Variants in SERINC2 observed in about 807,000 individuals in gnomAD.
SERINC2 encodes the protein tumor differentially expressed protein 2.
Under a neutral mutation model 54.2 loss-of-function variants are expected in SERINC2, and 56 were observed. That is an observed-to-expected ratio of 1.03 (90% CI 0.83 to 1.29). SERINC2 has a LOEUF of 1.29. Ranked by LOEUF, SERINC2 falls within the 50% of genes most tolerant of loss-of-function variation. The pLI is 0.00. For synonymous variants in SERINC2, 272 were observed against 253.1 expected (o/e 1.07, Z -0.71); for missense variants, 614 against 607.4 (o/e 1.01, Z -0.12).
intron 2 of SERINC2, 117 bp downstream of exon 2, chr1:31,423,971 G>A (rs1254103331): frequency 3.2e-6 from 3 of 949,456 alleles, no homozygotes; most frequent in Admixed American, 4.5e-5. Flanking sequence ...GTGTTTGGGT[G>A]CACTGATGAT....
intron 8 of SERINC2, among the ~76,000 whole-genome samples, chr1:31,432,754 G>A (rs1553134917): frequency 6.6e-6 from 1 of 152,140 alleles, no homozygotes; most frequent in Non-Finnish European, 1.5e-5. Flanking sequence ...TTACAGACAA[G>A]GAATCAGAGG....
rs1343316511 is a variant in SERINC2, at chr1:31,423,610, T to C, written c.40-83T>C. 2.8e-6 allele frequency: 4 copies of C among 1,422,394 alleles called. No homozygotes were observed. In the Admixed American group the frequency reaches 7.8e-5, roughly 28 times the overall value. 88.1% of individuals were successfully genotyped at this position (1,422,394 alleles called of 1,614,324 possible). ...GTGCTCCTGCCTAGCGCAGCACAGA[T>C]GCGCCGACCTCTGGGCAGGTGGTGA... On this transcript the variant is annotated intron_variant, in intron 1 of 9. Coordinates refer to ENST00000373709, the MANE Select transcript of SERINC2 (RefSeq NM_178865.5).
chr1:31,414,326 TC>T, intron 1 of SERINC2: 1 of 1,237,764 alleles, frequency 8.1e-7, no homozygotes, highest in Non-Finnish European at 1.0e-6. Context: ...GGCAGCCCCC[TC>T]CCCCTCTGGC....
At chr1:31,429,769 C>T (rs782391687) in intron 8 of SERINC2, among the ~76,000 whole-genome samples, 4 of 152,156 alleles carry the variant, frequency 2.6e-5, no homozygotes, top group Admixed American at 6.5e-5. Flanking sequence ...TTCCTGCATA[C>T]TGGGCCAGTT....
chr1:31,426,446 A>G (rs1641043572), intron 5 of SERINC2, among the ~76,000 whole-genome samples: 2 of 152,132 alleles, frequency 1.3e-5, no homozygotes, highest in Admixed American at 1.3e-4. Flanking sequence ...CAATTCCCTT[A>G]TTACAAGGTA....
At chr1:31,421,549 C>T (rs11589125) in intron 1 of SERINC2, among the ~76,000 whole-genome samples, 11,857 of 152,200 alleles carry the variant, frequency 0.078, 601 homozygotes, top group East Asian at 0.23. Context: ...GAGAGATAGG[C>T]GAGGAGCATT....
chr1:31,426,820 C>T lies in SERINC2; in HGVS notation c.777C>T (p.Val259=). 5 of 1,612,578 alleles carry T rather than the reference C, an allele frequency of 3.1e-6. No individual in the cohort carries two copies. Among genetic ancestry groups the T allele is most frequent in the Non-Finnish European group, 4.2e-6 (5 of 1,178,962 alleles). The part of the protein sequence containing the change: ...CVSIAAVLPK[V]QDAQPNSGLL... ...CCATCGCTGCTGTCCTGCCCAAGGT[C>T]CAGGTGAGCCTGCCTGACCCCCCCT... is the stretch of plus-strand genomic sequence containing the variant. Residue 259 remains valine (V), a synonymous_variant, in exon 6 of 10, where the codon GTC becomes GTT. Coordinates refer to ENST00000373709, the MANE Select transcript of SERINC2 (RefSeq NM_178865.5).
intron 8 of SERINC2, among the ~76,000 whole-genome samples, chr1:31,430,276 G>A (rs941867506): frequency 1.3e-5 from 2 of 152,212 alleles, no homozygotes; most frequent in Non-Finnish European, 2.9e-5. Flanking sequence ...CACTTTGGGA[G>A]GCCGAGGTGG....
Position 31,425,932 on chromosome 1 carries a change from C to A in SERINC2, c.610+19C>A. 1 of 1,605,852 alleles carries A rather than the reference C, an allele frequency of 6.2e-7. No homozygotes were observed. On this transcript the variant is annotated intron_variant, in intron 5 of 9. Coordinates refer to ENST00000373709, the MANE Select transcript of SERINC2 (RefSeq NM_178865.5). ...TACGCAGGTCAGTGCTGCCACCCTGCCTCCGTGTGGGGACTCGAGCCTGGG... is the reference window on the plus strand; with the variant it reads ...TACGCAGGTCAGTGCTGCCACCCTGACTCCGTGTGGGGACTCGAGCCTGGG...
At chr1:31,410,596 C>T (rs150289741), upstream of SERINC2, among the ~76,000 whole-genome samples, 6 of 152,326 alleles carry the variant, frequency 3.9e-5, no homozygotes, top group Non-Finnish European at 7.3e-5. Context: ...CTTAATCCCT[C>T]GTTCCTTGCA....
upstream of SERINC2, chr1:31,409,785 CAGCGA>C (rs1443414634): frequency 6.5e-7 from 1 of 1,541,656 alleles, no homozygotes; most frequent in Non-Finnish European, 8.8e-7. Context: ...CCAGTACAGA[CAGCGA>C]AGCCCAAGGG....
chr1:31,427,540 T>C (rs1305612359), intron 6 of SERINC2, among the ~76,000 whole-genome samples: 1 of 152,206 alleles, frequency 6.6e-6, no homozygotes, highest in African/African-American at 2.4e-5. Flanking sequence ...CAGCAATCAG[T>C]ATTTATCCAG....
chr1:31,429,132 G>GA, intron 7 of SERINC2, 64 bp downstream of exon 7: 1 of 1,427,602 alleles, frequency 7.0e-7, no homozygotes, highest in Non-Finnish European at 9.9e-7. Flanking sequence ...AGTCTACTGT[G>GA]GGGCTGGGGA....
intron 8 of SERINC2, 24 bp from the exon 9 acceptor site, chr1:31,432,943 C>T (rs1335772777): frequency 1.5e-5 from 24 of 1,574,426 alleles, no homozygotes; most frequent in Non-Finnish European, 2.0e-5. Context: ...TATCTATTTG[C>T]CCACCTTCCT....
At position 31,413,276 on chromosome 1, in the gene SERINC2, G is replaced by T. The variant is rs575258741; in HGVS notation, c.11G>T (p.Cys4Phe). 127 of 1,261,256 alleles carry T rather than the reference G, an allele frequency of 1.0e-4. 1 individual carries two copies. The South Asian group carries it at 3.4e-3, about 34-fold the overall frequency. 78.1% of individuals were successfully genotyped at this position (1,261,256 alleles called of 1,614,324 possible). ...CCGGGAGCCGCCGCCATGGGGGCCTGCCTGGGAGCCTGCTCCCTGCTCAGC... is the reference window on the plus strand; with the variant it reads ...CCGGGAGCCGCCGCCATGGGGGCCTTCCTGGGAGCCTGCTCCCTGCTCAGC... MGA[C>F]LGACSLLSCA... The change falls in exon 1 of 10, where the codon TGC becomes TTC. Residue 4 changes from cysteine (C) to phenylalanine (F), a missense_variant. Transcript: ENST00000373709. This position sits in a 1 kb window ranked among gnomAD's most constrained non-coding sequence, Gnocchi z 5.0.
intron 1 of SERINC2, among the ~76,000 whole-genome samples, chr1:31,419,898 A>G (rs955127840): frequency 1.3e-5 from 2 of 152,174 alleles, no homozygotes; most frequent in South Asian, 4.2e-4. Flanking sequence ...GGTCCCAGCT[A>G]CTCCGGAGGC....
Position 31,413,688 on chromosome 1 carries a change from C to A in SERINC2, c.39+384C>A. On this transcript the variant is annotated intron_variant, in intron 1 of 9. Transcript: ENST00000373709. The surrounding 1 kb of genome is among the most constrained non-coding windows in gnomAD (Gnocchi z 5.0). ...CCTCGGGGTGGCCTCTGTCCCCGTC[C>A]CGGACGCCCTGGTTCTCTGTGTAGG... is the stretch of plus-strand genomic sequence containing the variant. 1 of 1,106,254 alleles carries A rather than the reference C, an allele frequency of 9.0e-7. No individual in the cohort carries two copies. The highest frequency in any genetic ancestry group is 1.2e-6 in the Non-Finnish European group (1 of 864,766). 68.5% of individuals were successfully genotyped at this position (1,106,254 alleles called of 1,614,324 possible). A position where few individuals can be genotyped will look rare whatever the true frequency, so the allele number is the denominator to read the frequency against.
intron 2 of SERINC2, 100 bp from the exon 3 acceptor site, chr1:31,424,583 T>TCC: frequency 9.7e-7 from 1 of 1,033,440 alleles, no homozygotes. Flanking sequence ...AGAGCCTCTT[T>TCC]CCTGGCCGGC....
In SERINC2 at chr1:31,424,815, AC is replaced by A; in HGVS notation, c.337del (p.Leu113CysfsTer6). The A allele has an allele frequency of 1.2e-6, 2 of 1,609,854 alleles. No homozygotes were observed. Among genetic ancestry groups the A allele is most frequent in the Non-Finnish European group, 1.7e-6 (2 of 1,179,032 alleles). Reference sequence around the variant, plus strand: ...CACGGCGGCCTTCTTCTTCTTTTTCACCCTGCTCATGCTCTGCGTGAGCAGC... The same window carrying A: ...CACGGCGGCCTTCTTCTTCTTTTTCACCTGCTCATGCTCTGCGTGAGCAGC... Reference protein sequence around the residue: ...FATAAFFFFFTLLMLCVSSSR... With the variant: ...FATAAFFFFFXLLMLCVSSSR... On this transcript the variant is annotated frameshift_variant, in exon 3 of 10. Transcript: ENST00000373709. LOFTEE classifies it high-confidence loss of function.
Sources: gnomAD v4.1 joint callset for allele counts (sites outside exome capture counted in the v4.1 genomes callset) on GRCh38, gnomAD v4.1.1 for gene constraint, Gnocchi (gnomAD v3.1) non-coding constraint, MANE v1.5 for transcripts, NCBI Gene and HGNC (gene_info 2026-07-23, HGNC 2026-07-21) for gene names.